FAM167A: variants seen among roughly 807,000 people sequenced by gnomAD.
The protein encoded by FAM167A is family with sequence similarity 167 member A, also known as protein FAM167A.
In FAM167A, 23 loss-of-function variants were observed where a neutral mutation model predicts 14.9. The ratio of observed to expected loss-of-function variants is 1.55; its 90% CI spans 1.11 to 2.19. The LOEUF (loss-of-function observed/expected upper bound fraction) is 2.19. FAM167A is among the 30% of genes most tolerant of loss of function. The pLI is 0.00. For missense variants in FAM167A, 401 were observed against 281.5 expected, an observed-to-expected ratio of 1.42 and a Z score of -3.04; for synonymous variants, 174 against 117.7, an observed-to-expected ratio of 1.48 and a Z score of -3.10.
At chr8:11,430,567 A>G (rs772128962) in intron 2 of FAM167A, among the ~76,000 whole-genome samples, 4 of 152,242 alleles carry the variant, frequency 2.6e-5, no homozygotes, top group Non-Finnish European at 5.9e-5. Flanking sequence ...GTTTATCTCA[A>G]TGAAGTCATT....
chr8:11,427,921 T>C (rs1326493128), intron 2 of FAM167A, among the ~76,000 whole-genome samples: 1 of 152,206 alleles, frequency 6.6e-6, no homozygotes, highest in Non-Finnish European at 1.5e-5. Flanking sequence ...TGGTCATTTG[T>C]TTTGTAATGG....
At position 11,423,322 on chromosome 8, in the gene FAM167A, T is replaced by G. The variant is rs1804891784; in HGVS notation, c.*1051A>C. The G allele has an allele frequency of 6.6e-6, 1 of 152,352 alleles. No individual in the cohort carries two copies. Among genetic ancestry groups the G allele is most frequent in the African/African-American group, 2.4e-5 (1 of 41,354 alleles). The allele number at this position is 152,352 out of a possible 1,614,324, so 9.4% of individuals were successfully genotyped here. A position where few individuals can be genotyped will look rare whatever the true frequency, so the allele number is the denominator to read the frequency against. On this transcript the variant is annotated 3_prime_UTR_variant, in exon 3 of 3. Transcript: ENST00000284486. ...AAAATCAAATCCTACGCACTGTAGTTGACCTACACAAGTGGCTTCCGCATT... is the reference window on the plus strand; with the variant it reads ...AAAATCAAATCCTACGCACTGTAGTGGACCTACACAAGTGGCTTCCGCATT...
chr8:11,430,600 T>G (rs767775131), intron 2 of FAM167A, among the ~76,000 whole-genome samples: 8 of 152,090 alleles, frequency 5.3e-5, no homozygotes, highest in Non-Finnish European at 1.0e-4. Flanking sequence ...AAACACCAAT[T>G]AAAGAAAGAG....
chr8:11,450,009 C>T (rs1806960522), intron 1 of FAM167A, among the ~76,000 whole-genome samples: 1 of 152,246 alleles, frequency 6.6e-6, no homozygotes, highest in African/African-American at 2.4e-5. Flanking sequence ...CCACGCGCTC[C>T]TGCTGTTCCT....
chr8:11,423,048 A>G lies in FAM167A; in HGVS notation c.*1325T>C, dbSNP rs984791509. The G allele has an allele frequency of 6.5e-6, 1 of 152,726 alleles. No homozygotes were observed. Among genetic ancestry groups the G allele is most frequent in the South Asian group, 2.1e-4 (1 of 4,824 alleles). 9.5% of individuals were successfully genotyped at this position (152,726 alleles called of 1,614,324 possible). The stretch of plus-strand genomic sequence containing the variant: ...TTATCAATAATGGTTTCACACATCA[A>G]TATTCTATAGCCTAAACAGCTGTGC... On this transcript the variant is annotated 3_prime_UTR_variant, in exon 3 of 3. Coordinates refer to ENST00000284486, the MANE Select transcript of FAM167A (RefSeq NM_053279.3).
intron 1 of FAM167A, among the ~76,000 whole-genome samples, chr8:11,472,898 G>A (rs1376708399): frequency 6.6e-6 from 1 of 152,230 alleles, no homozygotes; most frequent in African/African-American, 2.4e-5. Flanking sequence ...GCAGGAGGCC[G>A]GACCAGGAAC....
chr8:11,435,843 TTAAA>T (rs1805968758), intron 2 of FAM167A, among the ~76,000 whole-genome samples: 1 of 152,228 alleles, frequency 6.6e-6, no homozygotes, highest in Non-Finnish European at 1.5e-5. Context: ...TTTATGAGAA[TTAAA>T]TAAGCCCATA....
intron 2 of FAM167A, among the ~76,000 whole-genome samples, chr8:11,430,664 C>G (rs984867742): frequency 1.3e-5 from 2 of 152,044 alleles, no homozygotes; most frequent in Non-Finnish European, 2.9e-5. Flanking sequence ...CCCCCAAGAG[C>G]AGGATTAAGT....
At chr8:11,454,166 C>T (rs918083087) in intron 1 of FAM167A, among the ~76,000 whole-genome samples, 5 of 152,230 alleles carry the variant, frequency 3.3e-5, no homozygotes, top group Non-Finnish European at 5.9e-5. Context: ...ACCTTCTTGA[C>T]CCCGACACCG....
intron 2 of FAM167A, among the ~76,000 whole-genome samples, chr8:11,435,336 C>T (rs115478555): frequency 1.0e-3 from 158 of 152,326 alleles, no homozygotes; most frequent in African/African-American, 3.5e-3. Context: ...ATGGCACCCA[C>T]GTGTTGGGCA....
chr8:11,462,989 A>C (rs563962756), intron 1 of FAM167A, among the ~76,000 whole-genome samples: 2 of 152,312 alleles, frequency 1.3e-5, no homozygotes, highest in Admixed American at 6.5e-5. Context: ...AATCCATGAG[A>C]GCTCCAGGGA....
intron 2 of FAM167A, among the ~76,000 whole-genome samples, chr8:11,430,796 A>T (rs1805528627): frequency 6.6e-6 from 1 of 152,152 alleles, no homozygotes; most frequent in African/African-American, 2.4e-5. Context: ...CGGCCCTGGA[A>T]GAAGGACCCA....
intron 2 of FAM167A, among the ~76,000 whole-genome samples, chr8:11,441,993 T>C (rs895284917): frequency 2.0e-5 from 3 of 152,210 alleles, no homozygotes; most frequent in Non-Finnish European, 2.9e-5. Flanking sequence ...CACAGGGAAG[T>C]GGCTAGAGGA....
chr8:11,468,323 C>G (rs1263919796), upstream of FAM167A, among the ~76,000 whole-genome samples: 1 of 152,226 alleles, frequency 6.6e-6, no homozygotes, highest in Non-Finnish European at 1.5e-5. Flanking sequence ...CCCCAGACAA[C>G]AGACCCTCTT....
In FAM167A at chr8:11,447,814, C is replaced by T. The variant is rs553110893; in HGVS notation, c.-397-3006G>A. On this transcript the variant is annotated intron_variant, in intron 1 of 2. Transcript: ENST00000284486. ...CATGACCACTCTGGGCCTCTGTGTC[C>T]TCTTCTGAGAAATGAGAACAACCGG... Among the ~76,000 whole-genome samples, 9 of 152,346 alleles carry T rather than the reference C, an allele frequency of 5.9e-5. No homozygotes were observed. The South Asian group carries it at 1.9e-3, about 32-fold the overall frequency.
chr8:11,450,315 G>C (rs1464279609), intron 1 of FAM167A, among the ~76,000 whole-genome samples: 1 of 152,202 alleles, frequency 6.6e-6, no homozygotes, highest in Non-Finnish European at 1.5e-5. Flanking sequence ...ATTAGCTAAT[G>C]CTTACAGCAC....
intron 1 of FAM167A, among the ~76,000 whole-genome samples, chr8:11,449,190 C>T (rs974859131): frequency 1.3e-5 from 2 of 152,240 alleles, no homozygotes; most frequent in African/African-American, 4.8e-5. Flanking sequence ...GCACTGTCCC[C>T]CTGGGTGCCC....
chr8:11,435,031 C>CT (rs1805910188), intron 2 of FAM167A: 1 of 456,770 alleles, frequency 2.2e-6, no homozygotes, highest in Non-Finnish European at 4.4e-6. Context: ...GCCTGCCTCC[C>CT]CCCCTCACTC....
intron 2 of FAM167A, among the ~76,000 whole-genome samples, chr8:11,429,755 G>A (rs1563359869): frequency 1.3e-5 from 2 of 152,176 alleles, no homozygotes. Flanking sequence ...ACAGCCCTGG[G>A]TTAGAACCCA....
Sources: gnomAD v4.1 joint callset for allele counts (sites outside exome capture counted in the v4.1 genomes callset) on GRCh38, gnomAD v4.1.1 for gene constraint, MANE v1.5 for transcripts, NCBI Gene and HGNC (gene_info 2026-07-23, HGNC 2026-07-21) for gene names.